AKAP13: variants seen among roughly 807,000 people sequenced by gnomAD.
AKAP13 encodes A-kinase anchor protein 13.
A neutral mutation model predicts 264.5 loss-of-function variants in AKAP13; 80 were observed. The observed-to-expected ratio is 0.30, with a 90% CI of 0.25 to 0.36. The LOEUF (loss-of-function observed/expected upper bound fraction) is 0.36. AKAP13 is among the 10% of genes least tolerant of loss of function. The pLI is 1.00. For missense variants in AKAP13, 3,712 were observed against 3,435.2 expected, an observed-to-expected ratio of 1.08 and a Z score of -2.01; for synonymous variants, 1,380 against 1,250.2, an observed-to-expected ratio of 1.10 and a Z score of -2.19.
chr15:85,642,162 C>A (rs987002633), intron 9 of AKAP13, among the ~76,000 whole-genome samples: 1 of 152,188 alleles, frequency 6.6e-6, no homozygotes, highest in Non-Finnish European at 1.5e-5. Flanking sequence ...TCATTAGACA[C>A]ATATATCACA....
intron 1 of AKAP13, among the ~76,000 whole-genome samples, chr15:85,476,637 C>T (rs1172481290): frequency 1.3e-5 from 2 of 152,178 alleles, no homozygotes; most frequent in Non-Finnish European, 2.9e-5. Flanking sequence ...GTAACACAGC[C>T]AGTAAGTGCC....
intron 14 of AKAP13, among the ~76,000 whole-genome samples, chr15:85,673,694 G>T (rs2937957): frequency 0.96 from 80,804 of 84,140 alleles, 38,735 homozygotes; most frequent in Middle Eastern, 0.99. Context: ...TTTTTTTTTG[G>T]GGAGACAGAA....
chr15:85,430,109 T>G (rs1349727761), intron 1 of AKAP13, among the ~76,000 whole-genome samples: 2 of 152,206 alleles, frequency 1.3e-5, no homozygotes, highest in African/African-American at 2.4e-5. Flanking sequence ...TAAACTTCTG[T>G]ATTTAATAGA....
In AKAP13 at chr15:85,736,144, T is replaced by C. The variant is rs773989778; in HGVS notation, c.7557+10T>C. On this transcript the variant is annotated intron_variant, in intron 33 of 36. Coordinates refer to ENST00000394518, the MANE Select transcript of AKAP13 (RefSeq NM_007200.5). ...TAAAAGAAACAGTGAGGTAAGGACA[T>C]TATGAACTATTTAAGAAAATATGTG... is the stretch of plus-strand genomic sequence containing the variant. 9 of 1,593,800 alleles carry C rather than the reference T, an allele frequency of 5.6e-6. No homozygotes were observed. The East Asian group carries it at 6.7e-5, about 12-fold the overall frequency.
intron 3 of AKAP13, among the ~76,000 whole-genome samples, chr15:85,532,524 A>C (rs1391211460): frequency 6.6e-6 from 1 of 152,238 alleles, no homozygotes; most frequent in Non-Finnish European, 1.5e-5. Context: ...GCGTTACCCA[A>C]ACAAAAACAT....
intron 8 of AKAP13, among the ~76,000 whole-genome samples, chr15:85,613,691 A>AAAAATAT (rs1313187436): frequency 4.1e-4 from 38 of 91,970 alleles, no homozygotes; most frequent in East Asian, 2.0e-3. Context: ...AAAAAAAAAA[A>AAAAATAT]ATATATATAT....
intron 1 of AKAP13, among the ~76,000 whole-genome samples, chr15:85,462,496 C>T (rs1189863635): frequency 1.3e-5 from 2 of 152,174 alleles, no homozygotes; most frequent in African/African-American, 4.8e-5. Context: ...CCACAATGCC[C>T]AGGATACATC....
At chr15:85,390,162 G>A (rs2070783895) in intron 1 of AKAP13, among the ~76,000 whole-genome samples, 1 of 152,138 alleles carries the variant, frequency 6.6e-6, no homozygotes, top group Non-Finnish European at 1.5e-5. Flanking sequence ...TAGGTAATGG[G>A]AATTCAGTGA....
At chr15:85,645,999 G>T (rs568900735) in intron 10 of AKAP13, 45 bp downstream of exon 10, 26 of 1,592,724 alleles carry the variant, frequency 1.6e-5, no homozygotes, top group Non-Finnish European at 2.2e-5. Flanking sequence ...CGGCTTTTGT[G>T]TTCCTATTTG....
rs376581389 is a variant in AKAP13 at position 85,582,024 on chromosome 15, C to T, written c.3956C>T (p.Thr1319Met). The T allele has an allele frequency of 2.0e-5, 32 of 1,613,930 alleles. No homozygotes were observed. The highest frequency in any genetic ancestry group is 1.7e-4 in the African/African-American group (13 of 74,884). Residue 1319 changes from threonine (T) to methionine (M), a missense_variant, in exon 7 of 37, where the codon ACG becomes ATG. Physicochemically the swap from Thr to Met is moderately conservative, Grantham distance 81. Coordinates refer to ENST00000394518, the MANE Select transcript of AKAP13 (RefSeq NM_007200.5). ...LPMGSTPEEA[T>M]GSLAGCFAGR... ...ATGGGCAGTACTCCTGAGGAAGCCACGGGGAGCCTTGCAGGATGTTTTGCT... is the reference window on the plus strand; with the variant it reads ...ATGGGCAGTACTCCTGAGGAAGCCATGGGGAGCCTTGCAGGATGTTTTGCT...
chr15:85,571,526 G>C (rs1196724928), intron 5 of AKAP13, among the ~76,000 whole-genome samples: 1 of 152,168 alleles, frequency 6.6e-6, no homozygotes, highest in Non-Finnish European at 1.5e-5. Context: ...GTTTTATACG[G>C]TGGTAACACA....
At chr15:85,435,495 A>C (rs1165170256) in intron 1 of AKAP13, among the ~76,000 whole-genome samples, 56 of 76,926 alleles carry the variant, frequency 7.3e-4, no homozygotes, top group African/African-American at 2.7e-3. Flanking sequence ...GAGAAGAGCA[A>C]CTCCAAGACA....
At chr15:85,669,889 T>A in intron 14 of AKAP13, 59 bp downstream of exon 14, 1 of 1,325,438 alleles carries the variant, frequency 7.5e-7, no homozygotes, top group Non-Finnish European at 1.0e-6. Context: ...CTCTTCCTAT[T>A]ATTTTTCTCA....
At chr15:85,565,162 A>G (rs2078559201) in intron 5 of AKAP13, among the ~76,000 whole-genome samples, 2 of 152,180 alleles carry the variant, frequency 1.3e-5, no homozygotes, top group Non-Finnish European at 2.9e-5. Flanking sequence ...TAATGAAACA[A>G]TGCCTGTACT....
rs1159700311 is a variant in AKAP13 at position 85,664,705 on chromosome 15, G to A, written c.4942G>A (p.Glu1648Lys). The A allele has an allele frequency of 1.9e-6, 3 of 1,614,102 alleles. No individual in the cohort carries two copies. The highest frequency in any genetic ancestry group is 2.2e-5 in the East Asian group (1 of 44,880). Residue 1648 changes from glutamate to lysine, a missense_variant, in exon 13 of 37, where the codon GAA becomes AAA. By Grantham distance (56) the Glu-to-Lys change is moderately conservative. Around this residue, in one of 3 missense-constraint regions of AKAP13, gnomAD observed 2,759 missense variants for 2,411.7 expected, o/e 1.14. Transcript: ENST00000394518. ...GGTTGACTCTTTGGTGTCACTTTCA[G>A]AAGAGGATCTGGAGTCAGACCAGAG... is the stretch of plus-strand genomic sequence containing the variant. The part of the protein sequence containing the change: ...ERVDSLVSLS[E>K]EDLESDQREH...
chr15:85,585,612 A>AAC (rs2079307188), intron 7 of AKAP13, 90 bp from the exon 8 acceptor site: 1 of 1,562,916 alleles, frequency 6.4e-7, no homozygotes, highest in Middle Eastern at 1.7e-4. Context: ...AGCAAAACAA[A>AAC]ACACATGAAA....
intron 2 of AKAP13, among the ~76,000 whole-genome samples, chr15:85,506,695 T>C (rs1182254393): frequency 1.3e-5 from 2 of 152,310 alleles, no homozygotes; most frequent in South Asian, 2.1e-4. Context: ...AGGGGACATA[T>C]GAAGACCAAT....
At chr15:85,389,189 C>T (rs1178789727) in intron 1 of AKAP13, among the ~76,000 whole-genome samples, 1 of 152,132 alleles carries the variant, frequency 6.6e-6, no homozygotes, top group Non-Finnish European at 1.5e-5. Flanking sequence ...CATGGGGCCT[C>T]TATGCTGATT....
intron 2 of AKAP13, among the ~76,000 whole-genome samples, chr15:85,509,956 G>A (rs1220899339): frequency 2.0e-5 from 3 of 152,210 alleles, no homozygotes; most frequent in Non-Finnish European, 2.9e-5. Flanking sequence ...TTTGAAATCA[G>A]GTGAGAGAGA....
Sources: gnomAD v4.1 joint callset for allele counts (sites outside exome capture counted in the v4.1 genomes callset) on GRCh38, gnomAD v4.1.1 for gene constraint, gnomAD v4.1.1 regional missense constraint, MANE v1.5 for transcripts, NCBI Gene and HGNC (gene_info 2026-07-23, HGNC 2026-07-21) for gene names.